TF: variants seen among roughly 807,000 people sequenced by gnomAD.
TF encodes the protein transferrin.
TF carries 55 observed loss-of-function variants against 82.4 expected under a neutral mutation model. That is an observed-to-expected ratio of 0.67 (90% CI 0.54 to 0.84). The LOEUF (loss-of-function observed/expected upper bound fraction) is 0.84, where lower values mean the gene tolerates loss of function less well. Among genes scored for constraint, TF ranks in the 40% least tolerant of loss-of-function variants. The pLI is 0.00. For missense variants in TF, 737 were observed against 868.4 expected (o/e 0.85, Z 1.90); for synonymous variants, 332 against 332.6 (o/e 1.00, Z 0.02).
At chr3:133,773,255 C>T (rs1358244072) in intron 14 of TF, 1 of 152,054 alleles carries the variant, frequency 6.6e-6, no homozygotes, top group African/African-American at 2.4e-5. Context: ...CTCCGCCTCC[C>T]AGATTTAAGT....
At chr3:133,728,855 T>A in the TF span, among the ~76,000 whole-genome samples, 6 of 152,210 alleles carry the variant, frequency 3.9e-5, no homozygotes, top group Non-Finnish European at 8.8e-5. Context: ...TTTCTGTTTG[T>A]TAGCTTTCCT....
the TF span, among the ~76,000 whole-genome samples, chr3:133,729,250 T>TG: frequency 6.6e-6 from 1 of 152,236 alleles, no homozygotes; most frequent in East Asian, 1.9e-4. Context: ...GTCTGTGCCC[T>TG]GCCCCCAGAG....
the TF span, among the ~76,000 whole-genome samples, chr3:133,735,976 A>G: frequency 2.6e-5 from 4 of 152,324 alleles, no homozygotes; most frequent in South Asian, 8.3e-4. Flanking sequence ...ATACTCCTCA[A>G]AAAGACCAAC....
chr3:133,738,057 T>C, the TF span, among the ~76,000 whole-genome samples: 1 of 151,962 alleles, frequency 6.6e-6, no homozygotes, highest in African/African-American at 2.4e-5. Flanking sequence ...AATGAGAAAA[T>C]CTTCAATAAA....
chr3:133,756,211 G>T, intron 5 of TF, 71 bp from the exon 6 acceptor site: 1 of 1,484,100 alleles, frequency 6.7e-7, no homozygotes, highest in South Asian at 1.2e-5. Context: ...TGGACAGTGT[G>T]ATCAGACTCT....
rs562032415 is a variant in TF at position 133,768,010 on chromosome 3, C to T, written c.1487-19C>T. On this transcript the variant is annotated intron_variant, in intron 12 of 16. Coordinates refer to ENST00000402696, the MANE Select transcript of TF (RefSeq NM_001063.4). ...CATTGACTCAGGAAAAGCTGACTTC[C>T]TCTTGTCCTTCTGCACAGATGAATT... 5 of 1,614,006 alleles carry T rather than the reference C, an allele frequency of 3.1e-6. No individual in the cohort carries two copies. In the Admixed American group the frequency reaches 5.0e-5, roughly 16 times the overall value.
At chr3:133,702,545 TA>T in the TF span, among the ~76,000 whole-genome samples, 2 of 151,696 alleles carry the variant, frequency 1.3e-5, no homozygotes, top group South Asian at 2.1e-4. Flanking sequence ...ACCCTGTCTC[TA>T]AAAAAATCAG....
chr3:133,668,649 G>T, the TF span, among the ~76,000 whole-genome samples: 4 of 152,076 alleles, frequency 2.6e-5, no homozygotes, highest in Non-Finnish European at 5.9e-5. Context: ...AACCCTTAGT[G>T]TCCCACCCAT....
At chr3:133,776,829 C>T (rs2715628) in intron 15 of TF, among the ~76,000 whole-genome samples, 2 of 151,992 alleles carry the variant, frequency 1.3e-5, no homozygotes, top group South Asian at 4.2e-4. Flanking sequence ...GAAGGTGGGA[C>T]CAGGGACCCT....
the TF span, among the ~76,000 whole-genome samples, chr3:133,704,894 T>A: frequency 6.6e-6 from 1 of 152,216 alleles, no homozygotes; most frequent in African/African-American, 2.4e-5. Flanking sequence ...ACACCTCATC[T>A]GCTACATTAT....
chr3:133,729,014 A>T, the TF span, among the ~76,000 whole-genome samples: 4 of 152,106 alleles, frequency 2.6e-5, no homozygotes, highest in Non-Finnish European at 5.9e-5. Context: ...TTCCTCTGGA[A>T]GTTTTGTCTC....
At position 133,776,597 on chromosome 3, in the gene TF, C is replaced by T. The variant is rs561640810; in HGVS notation, c.1873-452C>T. Among the ~76,000 whole-genome samples the T allele has an allele frequency of 3.3e-5, 5 of 152,284 alleles. No homozygotes were observed. In the South Asian group the frequency reaches 8.3e-4, roughly 25 times the overall value. ...ATCTGGAGAAGCTGAGTGGCTTGCC[C>T]AAGAAAGGATTCAAAATGCAGTCAA... On this transcript the variant is annotated intron_variant, in intron 15 of 16. Coordinates refer to ENST00000402696, the MANE Select transcript of TF (RefSeq NM_001063.4).
chr3:133,743,445 AC>A, upstream of TF, among the ~76,000 whole-genome samples: 1 of 151,334 alleles, frequency 6.6e-6, no homozygotes, highest in South Asian at 2.1e-4. Flanking sequence ...TCTCGGTGTG[AC>A]CCCAGATGAG....
At chr3:133,721,897 C>T in the TF span, among the ~76,000 whole-genome samples, 7 of 151,832 alleles carry the variant, frequency 4.6e-5, no homozygotes, top group Middle Eastern at 3.2e-3. Context: ...TGCTGTTGTT[C>T]GAGACAGGGT....
chr3:133,710,341 C>T, the TF span, among the ~76,000 whole-genome samples: 16 of 152,224 alleles, frequency 1.1e-4, no homozygotes, highest in African/African-American at 3.1e-4. Context: ...GGCTGGAGAG[C>T]GTCACAGCGC....
chr3:133,735,155 AG>A, the TF span, among the ~76,000 whole-genome samples: 2 of 152,106 alleles, frequency 1.3e-5, no homozygotes, highest in African/African-American at 2.4e-5. Flanking sequence ...AGCTTGGTCA[AG>A]ATGGTGAAAC....
the TF span, among the ~76,000 whole-genome samples, chr3:133,723,327 A>G: frequency 6.6e-6 from 1 of 152,068 alleles, no homozygotes; most frequent in South Asian, 2.1e-4. Context: ...CTCTTACTAT[A>G]TTTGAGAAGT....
chr3:133,717,568 C>G, the TF span, among the ~76,000 whole-genome samples: 1 of 152,262 alleles, frequency 6.6e-6, no homozygotes, highest in Admixed American at 6.5e-5. Flanking sequence ...AGCAGTCAAA[C>G]AAAGACCATA....
At chr3:133,775,238 T>C in intron 14 of TF, 195 bp from the exon 15 acceptor site, 1 of 645,454 alleles carries the variant, frequency 1.5e-6, no homozygotes, top group Non-Finnish European at 2.8e-6. Context: ...TAATCATTCC[T>C]GGTCACTGTG....
Sources: gnomAD v4.1 joint callset for allele counts (sites outside exome capture counted in the v4.1 genomes callset) on GRCh38, gnomAD v4.1.1 for gene constraint, MANE v1.5 for transcripts, NCBI Gene and HGNC (gene_info 2026-07-23, HGNC 2026-07-21) for gene names.